ADARB2: variants seen among roughly 807,000 people sequenced by gnomAD.
ADARB2 encodes inactive double-stranded RNA-specific editase B2.
In ADARB2, 25 loss-of-function variants were observed where a neutral mutation model predicts 62.2. The ratio of observed to expected loss-of-function variants is 0.40; its 90% CI spans 0.29 to 0.56. The LOEUF is 0.56. ADARB2 is among the 20% of genes least tolerant of loss of function. ADARB2 has a pLI of 0.43. For synonymous variants in ADARB2, 572 were observed against 500.8 expected (o/e 1.14, Z -1.90); for missense variants, 1,071 against 1,077.4 (o/e 0.99, Z 0.08).
chr10:1,697,673 G>C (rs1292510186), intron 1 of ADARB2, among the ~76,000 whole-genome samples: 1 of 152,162 alleles, frequency 6.6e-6, no homozygotes, highest in Admixed American at 6.5e-5. Flanking sequence ...AACCCCACAG[G>C]CTCCCTCTGC....
intron 1 of ADARB2, among the ~76,000 whole-genome samples, chr10:1,691,637 C>A (rs1467853482): frequency 1.3e-5 from 2 of 152,184 alleles, no homozygotes; most frequent in Non-Finnish European, 2.9e-5. Context: ...ACCAACTTCA[C>A]GTACTTTTCC....
intron 1 of ADARB2, among the ~76,000 whole-genome samples, chr10:1,623,275 C>G (rs112515963): frequency 1.3e-5 from 2 of 152,300 alleles, no homozygotes; most frequent in Non-Finnish European, 2.9e-5. Flanking sequence ...TGAGGCGCAT[C>G]CCAGGTGGTC....
intron 3 of ADARB2, among the ~76,000 whole-genome samples, chr10:1,306,318 A>C (rs939161733): frequency 2.0e-5 from 3 of 152,056 alleles, no homozygotes; most frequent in African/African-American, 7.2e-5. Context: ...AATTGCTTCA[A>C]AGACAATAAA....
intron 1 of ADARB2, among the ~76,000 whole-genome samples, chr10:1,428,864 GACAC>G (rs748052926): frequency 1.2e-4 from 18 of 148,832 alleles, no homozygotes; most frequent in Non-Finnish European, 7.5e-5. Flanking sequence ...TACACACACG[GACAC>G]ACACACACAC....
At chr10:1,270,877 G>C in intron 4 of ADARB2, 78 bp downstream of exon 4, 1 of 1,251,668 alleles carries the variant, frequency 8.0e-7, no homozygotes, top group Non-Finnish European at 1.1e-6. Context: ...AGAGCCTTTT[G>C]GCCTCCAAGA....
chr10:1,226,322 C>G (rs78604687), intron 6 of ADARB2, among the ~76,000 whole-genome samples: 1 of 151,682 alleles, frequency 6.6e-6, no homozygotes, highest in African/African-American at 2.4e-5. Context: ...AATTTTTTTT[C>G]AAAACTTTTA....
At chr10:1,696,748 A>G (rs879843002) in intron 1 of ADARB2, among the ~76,000 whole-genome samples, 3 of 152,156 alleles carry the variant, frequency 2.0e-5, no homozygotes, top group Admixed American at 1.3e-4. Flanking sequence ...AGGACCTGGG[A>G]CCTGGGGCTG....
At chr10:1,288,772 G>A (rs1301915434) in intron 3 of ADARB2, among the ~76,000 whole-genome samples, 1 of 152,180 alleles carries the variant, frequency 6.6e-6, no homozygotes, top group Non-Finnish European at 1.5e-5. Flanking sequence ...TACTTCTGTG[G>A]GTCTTAAGCC....
At chr10:1,243,762 G>T (rs1464734869) in intron 4 of ADARB2, among the ~76,000 whole-genome samples, 2 of 152,200 alleles carry the variant, frequency 1.3e-5, no homozygotes, top group African/African-American at 4.8e-5. Context: ...TTCCTTCCAG[G>T]CAAAGCGGTC....
At position 1,363,649 on chromosome 10, in the gene ADARB2, A is replaced by T; in HGVS notation, c.456T>A (p.His152Gln). The T allele has an allele frequency of 6.2e-7, 1 of 1,606,774 alleles. No homozygotes were observed. Among genetic ancestry groups the T allele is most frequent in the Non-Finnish European group, 8.5e-7 (1 of 1,176,652 alleles). ...YRTVSQTGPVHAPVFAVAVEV... is the reference protein window; with the variant it reads ...YRTVSQTGPVQAPVFAVAVEV... ...CCACCGCTACCGCGAAGACCGGGGC[A>T]TGCACCGGGCCCGTCTGCGACACTG... Residue 152 changes from histidine (H) to glutamine (Q), a missense_variant, in exon 3 of 10, where the codon CAT (histidine) becomes CAA (glutamine). Transcript: ENST00000381312.
intron 3 of ADARB2, among the ~76,000 whole-genome samples, chr10:1,313,647 A>G (rs1831712031): frequency 6.6e-6 from 1 of 152,112 alleles, no homozygotes; most frequent in Non-Finnish European, 1.5e-5. Flanking sequence ...CTGCCCAGCC[A>G]AGATGGTTTC....
intron 3 of ADARB2, among the ~76,000 whole-genome samples, chr10:1,287,577 G>A (rs117739768): frequency 1.5e-3 from 225 of 152,288 alleles, no homozygotes; most frequent in Middle Eastern, 3.4e-3. Context: ...GAGTTCTGCA[G>A]CCATGCACAT....
chr10:1,615,242 G>T (rs1161181145), intron 1 of ADARB2, among the ~76,000 whole-genome samples: 2 of 152,216 alleles, frequency 1.3e-5, no homozygotes, highest in East Asian at 3.9e-4. Context: ...ACTCTCCACT[G>T]CCTGCCCCAC....
chr10:1,377,996 C>T (rs898671483), intron 2 of ADARB2, among the ~76,000 whole-genome samples: 1 of 152,202 alleles, frequency 6.6e-6, no homozygotes, highest in African/African-American at 2.4e-5. Flanking sequence ...CCCAGGGTCA[C>T]CTCGCCTCCT....
intron 4 of ADARB2, among the ~76,000 whole-genome samples, chr10:1,267,285 T>C (rs192030138): frequency 3.9e-5 from 6 of 152,130 alleles, no homozygotes; most frequent in African/African-American, 1.4e-4. Flanking sequence ...AAGCTTAGAA[T>C]TCCCCCCTGG....
At chr10:1,694,507 C>T (rs533907274) in intron 1 of ADARB2, among the ~76,000 whole-genome samples, 5 of 151,742 alleles carry the variant, frequency 3.3e-5, no homozygotes, top group South Asian at 4.2e-4. Flanking sequence ...GACCCACAAC[C>T]GGTGGCACTT....
intron 1 of ADARB2, among the ~76,000 whole-genome samples, chr10:1,616,664 C>T (rs1243461005): frequency 3.7e-5 from 5 of 134,610 alleles, no homozygotes; most frequent in Non-Finnish European, 6.3e-5. Context: ...CACTCCGCAC[C>T]ACCCTGCTGA....
chr10:1,454,191 T>C (rs1198850603), intron 1 of ADARB2, among the ~76,000 whole-genome samples: 1 of 151,990 alleles, frequency 6.6e-6, no homozygotes, highest in Non-Finnish European at 1.5e-5. Context: ...AACCATCAGA[T>C]CTCGTGAGAT....
rs893501952 is a variant in ADARB2, at chr10:1,181,194, C to T, written c.*1999G>A. On this transcript the variant is annotated 3_prime_UTR_variant, in exon 10 of 10. Coordinates refer to ENST00000381312, the MANE Select transcript of ADARB2 (RefSeq NM_018702.4). ...TGGGAGACTTCAGCCAGGAGCTGGC[C>T]GTGCTCCCACGCATTCAGGGGAGCG... The T allele has an allele frequency of 6.6e-6, 1 of 152,248 alleles. No individual in the cohort carries two copies. The highest frequency in any genetic ancestry group is 1.9e-4 in the East Asian group (1 of 5,200). 9.4% of individuals were successfully genotyped at this position (152,248 alleles called of 1,614,324 possible). A position where few individuals can be genotyped will look rare whatever the true frequency, so the allele number is the denominator to read the frequency against.
Sources: gnomAD v4.1 joint callset for allele counts (sites outside exome capture counted in the v4.1 genomes callset) on GRCh38, gnomAD v4.1.1 for gene constraint, MANE v1.5 for transcripts, NCBI Gene and HGNC (gene_info 2026-07-23, HGNC 2026-07-21) for gene names.